Variants in EP300 observed in about 807,000 individuals in gnomAD.
EP300 encodes the protein histone acetyltransferase p300.
A neutral mutation model predicts 264.0 loss-of-function variants in EP300; 31 were observed. The observed-to-expected ratio is 0.12, with a 90% CI of 0.09 to 0.16. The LOEUF (loss-of-function observed/expected upper bound fraction) is 0.16. Ranked by LOEUF, EP300 falls within the 10% of genes least tolerant of loss-of-function variation. EP300 has a pLI of 1.00. For missense variants in EP300, 2,766 were observed against 3,052.9 expected (o/e 0.91, Z 2.21); for synonymous variants, 1,340 against 1,045.4 (o/e 1.28, Z -5.44).
At chr22:41,157,129 G>GT in intron 17 of EP300, 40 bp from the exon 18 acceptor site, 1 of 1,613,146 alleles carries the variant, frequency 6.2e-7, no homozygotes, top group Non-Finnish European at 8.5e-7. Flanking sequence ...CGTAAAAATA[G>GT]TGAGACTTGA....
At chr22:41,102,429 CTGTG>C (rs1393634847) in intron 1 of EP300, among the ~76,000 whole-genome samples, 1 of 152,074 alleles carries the variant, frequency 6.6e-6, no homozygotes, top group Non-Finnish European at 1.5e-5. Flanking sequence ...AGAAAGGAGA[CTGTG>C]TGAGGCCAGG....
At chr22:41,165,643 G>A (rs756827309) in intron 22 of EP300, among the ~76,000 whole-genome samples, 1 of 152,146 alleles carries the variant, frequency 6.6e-6, no homozygotes, top group African/African-American at 2.4e-5. Flanking sequence ...GGCTGGTCTT[G>A]AACTCCCGAC....
At chr22:41,131,721 T>C in intron 6 of EP300, 88 bp downstream of exon 6, 2 of 1,584,654 alleles carry the variant, frequency 1.3e-6, no homozygotes, top group East Asian at 4.5e-5. Context: ...CTTTTTATTT[T>C]TTCTGCTACA....
chr22:41,112,911 A>G (rs1601595604), intron 1 of EP300, among the ~76,000 whole-genome samples: 2 of 152,108 alleles, frequency 1.3e-5, no homozygotes, highest in East Asian at 1.9e-4. Context: ...TTACTAGTAT[A>G]TTATACTACC....
chr22:41,146,894 C>T (rs1051283438), intron 11 of EP300, 78 bp downstream of exon 11: 36 of 1,225,354 alleles, frequency 2.9e-5, no homozygotes, highest in Middle Eastern at 2.5e-4. Flanking sequence ...CCTGAACACC[C>T]GCTTTATGCC....
intron 20 of EP300, among the ~76,000 whole-genome samples, chr22:41,161,501 C>T (rs1334598151): frequency 2.6e-5 from 4 of 152,070 alleles, no homozygotes; most frequent in Non-Finnish European, 5.9e-5. Flanking sequence ...CCTGTAGTCC[C>T]AGCTACTCGG....
At position 41,140,132 on chromosome 22, in the gene EP300, T is replaced by G; in HGVS notation, c.1761-8T>G. On this transcript the variant is annotated splice_region_variant and splice_polypyrimidine_tract_variant and intron_variant, in intron 8 of 30. Coordinates refer to ENST00000263253, the MANE Select transcript of EP300 (RefSeq NM_001429.4). ...TGATATTACAGTGGTAGGATTTTCT[T>G]TTTCCAGCGTCCAAGCCATATTTCC... is the stretch of plus-strand genomic sequence containing the variant. The G allele has an allele frequency of 1.9e-6, 3 of 1,602,160 alleles. No homozygotes were observed.
chr22:41,114,900 A>G (rs897761950), intron 1 of EP300, among the ~76,000 whole-genome samples: 2 of 151,854 alleles, frequency 1.3e-5, no homozygotes. Flanking sequence ...AATTGGATCA[A>G]GTAGACCATT....
chr22:41,118,093 A>G (rs2058831612), intron 2 of EP300, among the ~76,000 whole-genome samples: 1 of 152,210 alleles, frequency 6.6e-6, no homozygotes. Flanking sequence ...TTCCAAGTCC[A>G]GTTTAGCCTT....
At chr22:41,122,884 A>C (rs1256611215) in intron 2 of EP300, among the ~76,000 whole-genome samples, 1 of 152,010 alleles carries the variant, frequency 6.6e-6, no homozygotes, top group Non-Finnish European at 1.5e-5. Flanking sequence ...ATAAAAACAA[A>C]AATTAGCTGG....
intron 1 of EP300, among the ~76,000 whole-genome samples, chr22:41,114,411 G>A (rs146119739): frequency 3.0e-4 from 46 of 152,146 alleles, no homozygotes; most frequent in African/African-American, 1.1e-3. Context: ...TGCTGAGCTC[G>A]AGCCGTCTGC....
intron 14 of EP300, among the ~76,000 whole-genome samples, chr22:41,150,424 T>TA (rs1156754514): frequency 6.6e-6 from 1 of 152,168 alleles, no homozygotes; most frequent in African/African-American, 2.4e-5. Context: ...CTTTGACCAT[T>TA]ATGTTTCATG....
rs1311854931 is a variant in EP300 at position 41,152,288 on chromosome 22, A to G, written c.3080A>G (p.Glu1027Gly). 1.9e-6 allele frequency: 3 copies of G among 1,614,142 alleles called. No homozygotes were observed. The South Asian group carries it at 3.3e-5, about 18-fold the overall frequency. The change falls in exon 16 of 31, where the codon GAA becomes GGA. Residue 1027 changes from glutamate (E) to glycine (G), a missense_variant. Glu to Gly is a moderately conservative substitution (Grantham distance 98). Transcript: ENST00000263253. Reference protein sequence around the residue: ...TELKTEIKEEEDQPSTSATQS... With the variant: ...TELKTEIKEEGDQPSTSATQS... ...TTAAAAACTGAAATAAAAGAGGAGG[A>G]AGACCAGCCAAGTACTTCAGCTACC...
At chr22:41,157,098 A>G (rs1221734859) in intron 17 of EP300, 71 bp from the exon 18 acceptor site, 1 of 1,590,628 alleles carries the variant, frequency 6.3e-7, no homozygotes, top group Non-Finnish European at 8.6e-7. Flanking sequence ...TAACAATGAT[A>G]ATGGATGATA....
intron 1 of EP300, among the ~76,000 whole-genome samples, chr22:41,097,842 C>G (rs2058710328): frequency 6.6e-6 from 1 of 151,940 alleles, no homozygotes; most frequent in Non-Finnish European, 1.5e-5. Context: ...CTACAGGCGC[C>G]TGCCACCATG....
At chr22:41,112,126 G>C (rs1248932088) in intron 1 of EP300, among the ~76,000 whole-genome samples, 1 of 149,488 alleles carries the variant, frequency 6.7e-6, no homozygotes, top group Middle Eastern at 3.5e-3. Context: ...CTGAACTCGT[G>C]ATCCGCCCGC....
At chr22:41,098,611 T>G in intron 1 of EP300, among the ~76,000 whole-genome samples, 1 of 152,044 alleles carries the variant, frequency 6.6e-6, no homozygotes, top group Non-Finnish European at 1.5e-5. Context: ...GACCTCGTGA[T>G]CCGCCCACCT....
At chr22:41,159,284 T>A (rs1323354475) in intron 19 of EP300, 1 of 152,246 alleles carries the variant, frequency 6.6e-6, no homozygotes, top group Non-Finnish European at 1.5e-5. Flanking sequence ...ATCCATGGTG[T>A]TGGTTTTTGC....
chr22:41,144,061 A>T (rs2058997640), intron 10 of EP300, among the ~76,000 whole-genome samples: 1 of 152,282 alleles, frequency 6.6e-6, no homozygotes, highest in African/African-American at 2.4e-5. Flanking sequence ...TTTCCTTATT[A>T]ATTTTTTGCA....
Sources: allele counts gnomAD v4.1 joint callset (sites outside exome capture counted in the v4.1 genomes callset), GRCh38; gene constraint gnomAD v4.1.1; transcripts MANE v1.5; gene names NCBI Gene and HGNC (gene_info 2026-07-23, HGNC 2026-07-21).